Variants in NTRK2 observed in about 807,000 individuals in gnomAD.
The protein encoded by NTRK2 is BDNF/NT-3 growth factors receptor.
Under a neutral mutation model 94.5 loss-of-function variants are expected in NTRK2, and 13 were observed. That is an observed-to-expected ratio of 0.14 (90% CI 0.09 to 0.22). The LOEUF is 0.22. Ranked by LOEUF, NTRK2 falls within the 10% of genes least tolerant of loss-of-function variation. The pLI is 1.00. For missense variants in NTRK2, 639 were observed against 1,071.2 expected (o/e 0.60, Z 5.63); for synonymous variants, 372 against 407.4 (o/e 0.91, Z 1.05).
At chr9:84,974,480 G>A (rs1405182887) in intron 17 of NTRK2, among the ~76,000 whole-genome samples, 1 of 152,176 alleles carries the variant, frequency 6.6e-6, no homozygotes, top group Non-Finnish European at 1.5e-5. Context: ...GCTGCAGAAG[G>A]TTAAAGCTCT....
chr9:84,968,585 A>G (rs1825832604), intron 17 of NTRK2, among the ~76,000 whole-genome samples: 2 of 152,144 alleles, frequency 1.3e-5, no homozygotes, highest in Admixed American at 1.3e-4. Flanking sequence ...CTAATATGCC[A>G]AGGAACATAG....
At chr9:84,754,493 GTA>G (rs2064908395) in intron 12 of NTRK2, among the ~76,000 whole-genome samples, 1 of 152,072 alleles carries the variant, frequency 6.6e-6, no homozygotes, top group Admixed American at 6.5e-5. Flanking sequence ...TTAAAACGTG[GTA>G]TTTAAACATT....
chr9:84,807,948 A>C (rs1168823743), intron 12 of NTRK2, among the ~76,000 whole-genome samples: 1 of 152,206 alleles, frequency 6.6e-6, no homozygotes, highest in African/African-American at 2.4e-5. Context: ...TGGAAGTGAT[A>C]GTTTGAATGC....
chr9:84,995,438 G>A (rs1177411182), intron 17 of NTRK2, among the ~76,000 whole-genome samples: 3 of 152,112 alleles, frequency 2.0e-5, no homozygotes, highest in Admixed American at 1.3e-4. Context: ...TTTGCCCAAT[G>A]AGACCCTACA....
At chr9:84,785,249 A>G (rs143043576) in intron 12 of NTRK2, among the ~76,000 whole-genome samples, 1 of 152,324 alleles carries the variant, frequency 6.6e-6, no homozygotes, top group African/African-American at 2.4e-5. Flanking sequence ...GCCCTTAAAC[A>G]ACAGGAATGG....
intron 9 of NTRK2, among the ~76,000 whole-genome samples, chr9:84,733,620 T>TA (rs2063045154): frequency 1.3e-5 from 2 of 152,172 alleles, no homozygotes; most frequent in African/African-American, 4.8e-5. Flanking sequence ...CCATAAAATA[T>TA]AAAAGGTGGA....
chr9:84,762,322 C>G (rs1382513108), intron 12 of NTRK2, among the ~76,000 whole-genome samples: 1 of 152,200 alleles, frequency 6.6e-6, no homozygotes, highest in Non-Finnish European at 1.5e-5. Flanking sequence ...CAGGGAGCAG[C>G]TCAACATGTG....
intron 2 of NTRK2, among the ~76,000 whole-genome samples, chr9:84,681,846 A>G (rs1393380405): frequency 6.6e-6 from 1 of 152,210 alleles, no homozygotes; most frequent in Admixed American, 6.5e-5. Context: ...AGAATAGAAC[A>G]AAATTGTCAC....
Position 84,907,710 on chromosome 9 carries a change from A to G in NTRK2, c.1634-26452A>G, listed in dbSNP as rs1381972284. Among the ~76,000 whole-genome samples, 4 of 143,234 alleles carry G rather than the reference A, an allele frequency of 2.8e-5. No homozygotes were observed. The East Asian group carries it at 8.3e-4, about 30-fold the overall frequency. 94.0% of individuals were successfully genotyped at this position (143,234 alleles called of 152,430 possible). ...CTTCTTTTTTTTTTTTTTTTTGAGT[A>G]ACACTCTTTGCTTTTCCTGGTTTTA... On this transcript the variant is annotated intron_variant, in intron 14 of 18. Transcript: ENST00000277120.
chr9:84,987,561 GT>G (rs1378305099), intron 17 of NTRK2, among the ~76,000 whole-genome samples: 1 of 152,136 alleles, frequency 6.6e-6, no homozygotes, highest in Non-Finnish European at 1.5e-5. Context: ...GAATCAAATG[GT>G]AGTGAAGCAT....
At chr9:84,937,941 G>T (rs959294202) in intron 15 of NTRK2, among the ~76,000 whole-genome samples, 2 of 151,986 alleles carry the variant, frequency 1.3e-5, no homozygotes, top group Admixed American at 6.6e-5. Context: ...TGGGATTCAT[G>T]GTCTCTCCTC....
chr9:84,954,344 A>T (rs1004910114), intron 16 of NTRK2, among the ~76,000 whole-genome samples: 2 of 152,184 alleles, frequency 1.3e-5, no homozygotes, highest in Admixed American at 1.3e-4. Flanking sequence ...TGAGGGCGGC[A>T]TCCTAAGACG....
chr9:84,991,443 G>C (rs1208862676), intron 17 of NTRK2, among the ~76,000 whole-genome samples: 1 of 152,278 alleles, frequency 6.6e-6, no homozygotes, highest in African/African-American at 2.4e-5. Context: ...ATCTATGCGA[G>C]TTTATCTGTC....
intron 12 of NTRK2, among the ~76,000 whole-genome samples, chr9:84,858,140 C>T (rs1003867860): frequency 2.0e-5 from 3 of 152,094 alleles, no homozygotes; most frequent in Non-Finnish European, 4.4e-5. Context: ...CAGTCATCTC[C>T]TTTCTTTCAC....
At chr9:84,675,323 C>CT (rs1564023863) in intron 2 of NTRK2, among the ~76,000 whole-genome samples, 3 of 69,548 alleles carry the variant, frequency 4.3e-5, no homozygotes, top group Admixed American at 1.8e-4. Flanking sequence ...TTCTTTCTTT[C>CT]CTTTTTTTTT....
rs2072052440 is a variant in NTRK2 at position 84,813,596 on chromosome 9, C to G, written c.1397-47444C>G. On this transcript the variant is annotated intron_variant, in intron 12 of 18. Coordinates refer to ENST00000277120, the MANE Select transcript of NTRK2 (RefSeq NM_006180.6). ...ATCTGCAACATGTCAATTACCTTTG[C>G]TCCTCTCCTGTGATTCCCACCATGC... 1.6e-5 allele frequency: 17 copies of G among 1,065,718 alleles called. No homozygotes were observed. The East Asian group carries it at 8.4e-4, about 53-fold the overall frequency. The allele number at this position is 1,065,718 out of a possible 1,614,324, so 66.0% of individuals were successfully genotyped here. A position where few individuals can be genotyped will look rare whatever the true frequency, so the allele number is the denominator to read the frequency against.
chr9:84,906,721 C>T (rs976581369), intron 14 of NTRK2, among the ~76,000 whole-genome samples: 1 of 152,160 alleles, frequency 6.6e-6, no homozygotes, highest in African/African-American at 2.4e-5. Context: ...CCATAACTCC[C>T]AGCTCCATGA....
chr9:84,799,239 A>G (rs2070074756), intron 12 of NTRK2, among the ~76,000 whole-genome samples: 1 of 151,890 alleles, frequency 6.6e-6, no homozygotes, highest in Non-Finnish European at 1.5e-5. Context: ...CCAAAGATCT[A>G]CTCTGTGCCT....
rs1375675550 is a variant in NTRK2 at position 85,023,745 on chromosome 9, G to A, written c.*2308G>A. ...CTGTAGAACTCTGTGACGCAGTAAG[G>A]AAGGGGCAGATTTGTACAAAAACTT... is the stretch of plus-strand genomic sequence containing the variant. On this transcript the variant is annotated 3_prime_UTR_variant, in exon 19 of 19. Transcript: ENST00000277120. 8.6e-6 allele frequency: 2 copies of A among 231,358 alleles called. No individual in the cohort carries two copies. Among genetic ancestry groups the A allele is most frequent in the Non-Finnish European group, 1.7e-5 (2 of 117,052 alleles). 14.3% of individuals were successfully genotyped at this position (231,358 alleles called of 1,614,324 possible). A position where few individuals can be genotyped will look rare whatever the true frequency, so the allele number is the denominator to read the frequency against.
Sources: gnomAD v4.1 joint callset for allele counts (sites outside exome capture counted in the v4.1 genomes callset) on GRCh38, gnomAD v4.1.1 for gene constraint, MANE v1.5 for transcripts, NCBI Gene and HGNC (gene_info 2026-07-23, HGNC 2026-07-21) for gene names.